The following TRMT11 variants were observed in gnomAD, a reference collection of about 807,000 sequenced individuals.
The protein encoded by TRMT11 is tRNA methyltransferase 11.
Under a neutral mutation model 62.8 loss-of-function variants are expected in TRMT11, and 53 were observed. That is an observed-to-expected ratio of 0.84 (90% CI 0.68 to 1.06). TRMT11 has a LOEUF of 1.06. Among genes scored for constraint, TRMT11 ranks in the 50% least tolerant of loss-of-function variants. The probability of loss-of-function intolerance (pLI) is 0.00; values close to 1 mark genes in which losing one functional copy is unlikely to be tolerated. For synonymous variants in TRMT11, 188 were observed against 190.3 expected, an observed-to-expected ratio of 0.99 and a Z score of 0.10; for missense variants, 556 against 553.4, an observed-to-expected ratio of 1.00 and a Z score of -0.05.
the TRMT11 span, among the ~76,000 whole-genome samples, chr6:126,261,112 AT>A: frequency 6.6e-6 from 1 of 152,094 alleles, no homozygotes; most frequent in Non-Finnish European, 1.5e-5. Flanking sequence ...GGCTTTTTAA[AT>A]TCTCTTCTAT....
chr6:125,994,526 A>G (rs1227004162), intron 2 of TRMT11, among the ~76,000 whole-genome samples: 1 of 152,224 alleles, frequency 6.6e-6, no homozygotes, highest in Non-Finnish European at 1.5e-5. Flanking sequence ...AAGTAATACT[A>G]AGATGAAAAT....
chr6:125,995,897 C>CT, intron 2 of TRMT11, 70 bp from the exon 3 acceptor site: 1 of 915,062 alleles, frequency 1.1e-6, no homozygotes, highest in Non-Finnish European at 1.8e-6. Flanking sequence ...TCCTTATTGA[C>CT]TTCTTGAATA....
At chr6:126,014,195 T>C (rs1794659501) in intron 11 of TRMT11, among the ~76,000 whole-genome samples, 1 of 152,164 alleles carries the variant, frequency 6.6e-6, no homozygotes. Flanking sequence ...CAATCTGACA[T>C]AGATATATTT....
At chr6:126,120,243 C>T (rs976535805) in intron 21 of TRMT11, among the ~76,000 whole-genome samples, 1 of 152,074 alleles carries the variant, frequency 6.6e-6, no homozygotes, top group Admixed American at 6.6e-5. Context: ...CCACTGCACT[C>T]ACCCTGGGTG....
intron 17 of TRMT11, among the ~76,000 whole-genome samples, chr6:126,068,803 T>C (rs1481323122): frequency 6.6e-6 from 1 of 152,244 alleles, no homozygotes; most frequent in East Asian, 1.9e-4. Flanking sequence ...TGACTTTCTG[T>C]ATCCATCTTT....
chr6:126,060,977 CA>C (rs1776519809), intron 17 of TRMT11, among the ~76,000 whole-genome samples: 1 of 152,194 alleles, frequency 6.6e-6, no homozygotes, highest in African/African-American at 2.4e-5. Flanking sequence ...CTTCCTTCCC[CA>C]TCAAATCTTT....
At chr6:126,260,670 T>C in the TRMT11 span, among the ~76,000 whole-genome samples, 1 of 152,192 alleles carries the variant, frequency 6.6e-6, no homozygotes, top group Non-Finnish European at 1.5e-5. Context: ...TTATTTCTCT[T>C]TTATTTCTGA....
the TRMT11 span, among the ~76,000 whole-genome samples, chr6:126,263,742 C>A: frequency 6.6e-6 from 1 of 152,054 alleles, no homozygotes; most frequent in Non-Finnish European, 1.5e-5. Context: ...GGTATGTTTG[C>A]TTCCAGCTGG....
At chr6:126,060,555 C>T (rs1164076856) in intron 17 of TRMT11, among the ~76,000 whole-genome samples, 1 of 152,178 alleles carries the variant, frequency 6.6e-6, no homozygotes, top group African/African-American at 2.4e-5. Flanking sequence ...GGCTCCATCA[C>T]TCAGTGCGTA....
intron 17 of TRMT11, among the ~76,000 whole-genome samples, chr6:126,098,056 T>C (rs1458058515): frequency 6.6e-6 from 1 of 151,932 alleles, no homozygotes; most frequent in Admixed American, 6.6e-5. Flanking sequence ...TAGCCTGGAG[T>C]TTCCCCACTG....
chr6:126,144,280 A>G (rs1777951155), intron 21 of TRMT11, among the ~76,000 whole-genome samples: 1 of 152,208 alleles, frequency 6.6e-6, no homozygotes, highest in Non-Finnish European at 1.5e-5. Flanking sequence ...TGGGGCTATT[A>G]TCACTTCCAC....
At chr6:126,180,193 TG>T (rs911325977) in intron 1 of TRMT11, among the ~76,000 whole-genome samples, 7 of 152,326 alleles carry the variant, frequency 4.6e-5, no homozygotes, top group African/African-American at 1.7e-4. Flanking sequence ...ATATTTTATT[TG>T]GTCATCTTAG....
At chr6:126,147,267 G>A (rs2128219117) in intron 21 of TRMT11, among the ~76,000 whole-genome samples, 1 of 152,038 alleles carries the variant, frequency 6.6e-6, no homozygotes, top group African/African-American at 2.4e-5. Flanking sequence ...CCCTTTTATT[G>A]GTATCCTTTT....
At chr6:126,009,324 T>C (rs532832108) in intron 8 of TRMT11, 1 of 152,008 alleles carries the variant, frequency 6.6e-6, no homozygotes, top group Non-Finnish European at 1.5e-5. Flanking sequence ...GTCATCTGCT[T>C]TACTTTTCAG....
At chr6:126,102,423 G>A (rs1777411968) in intron 17 of TRMT11, among the ~76,000 whole-genome samples, 1 of 151,906 alleles carries the variant, frequency 6.6e-6, no homozygotes, top group Non-Finnish European at 1.5e-5. Flanking sequence ...CCAGCCTCCT[G>A]CGATGCTGGC....
intron 17 of TRMT11, among the ~76,000 whole-genome samples, chr6:126,086,992 C>G (rs1777223623): frequency 6.6e-6 from 1 of 152,098 alleles, no homozygotes; most frequent in African/African-American, 2.4e-5. Flanking sequence ...TACTGCTTTC[C>G]AATCCTCCAA....
At chr6:126,240,489 G>T in the TRMT11 span, among the ~76,000 whole-genome samples, 1 of 152,198 alleles carries the variant, frequency 6.6e-6, no homozygotes, top group African/African-American at 2.4e-5. Context: ...GACCCTGTTT[G>T]CCTGGGTATC....
intron 17 of TRMT11, among the ~76,000 whole-genome samples, chr6:126,081,599 C>A (rs1046542884): frequency 6.6e-6 from 1 of 152,082 alleles, no homozygotes; most frequent in African/African-American, 2.4e-5. Context: ...GTTTCTGGAT[C>A]TAACACCATC....
intron 17 of TRMT11, among the ~76,000 whole-genome samples, chr6:126,059,798 C>G (rs1461440852): frequency 6.6e-6 from 1 of 152,124 alleles, no homozygotes; most frequent in Non-Finnish European, 1.5e-5. Flanking sequence ...CTCCTCTAGA[C>G]AGTAAGTACG....
Sources: allele counts gnomAD v4.1 joint callset (sites outside exome capture counted in the v4.1 genomes callset), GRCh38; gene constraint gnomAD v4.1.1; transcripts MANE v1.5; gene names NCBI Gene and HGNC (gene_info 2026-07-23, HGNC 2026-07-21).